Variants in ANK2 observed in about 807,000 individuals in gnomAD.
ANK2 encodes ankyrin 2.
ANK2 carries 83 observed loss-of-function variants against 360.5 expected under a neutral mutation model. The ratio of observed to expected loss-of-function variants is 0.23; its 90% CI spans 0.19 to 0.28. ANK2 has a LOEUF of 0.28. Ranked by LOEUF, ANK2 falls within the 10% of genes least tolerant of loss-of-function variation. The probability of loss-of-function intolerance (pLI) is 1.00; values close to 1 mark genes in which losing one functional copy is unlikely to be tolerated. For synonymous variants in ANK2, 1,740 were observed against 1,759.5 expected, an observed-to-expected ratio of 0.99 and a Z score of 0.28; for missense variants, 4,201 against 4,795.7, an observed-to-expected ratio of 0.88 and a Z score of 3.66.
chr4:113,233,109 T>G lies in ANK2; in HGVS notation c.483+850T>G, dbSNP rs1245953674. Reference sequence around the variant, plus strand: ...AGTATATGGGCTTGGCTTTTCTGTTTTTTTTTTTTTTTTTTTTTTTTTTTT... The same window carrying G: ...AGTATATGGGCTTGGCTTTTCTGTTGTTTTTTTTTTTTTTTTTTTTTTTTT... On this transcript the variant is annotated intron_variant, in intron 5 of 45. Transcript: ENST00000357077. Among the ~76,000 whole-genome samples, 3 of 5,092 alleles carry G rather than the reference T, an allele frequency of 5.9e-4. No homozygotes were observed. In the East Asian group the frequency reaches 0.015, roughly 26 times the overall value. 3.3% of individuals were successfully genotyped at this position (5,092 alleles called of 152,430 possible).
intron 2 of ANK2, among the ~76,000 whole-genome samples, chr4:113,182,681 G>A (rs2098441278): frequency 1.3e-5 from 2 of 152,132 alleles, no homozygotes; most frequent in Admixed American, 6.5e-5. Flanking sequence ...AATAAGCTGA[G>A]GAACTGAACA....
intron 2 of ANK2, among the ~76,000 whole-genome samples, chr4:112,908,341 C>T (rs938330884): frequency 3.3e-5 from 5 of 152,136 alleles, no homozygotes; most frequent in African/African-American, 1.2e-4. Flanking sequence ...ACTCATACTG[C>T]AAATCACCAG....
chr4:113,011,875 A>G (rs1163838933), intron 2 of ANK2, among the ~76,000 whole-genome samples: 2 of 152,106 alleles, frequency 1.3e-5, no homozygotes, highest in African/African-American at 4.8e-5. Context: ...GGGTTGTGCA[A>G]ACAATTTTAT....
the ANK2 span, among the ~76,000 whole-genome samples, chr4:112,796,407 G>C: frequency 6.6e-6 from 1 of 151,730 alleles, no homozygotes; most frequent in Non-Finnish European, 1.5e-5. Flanking sequence ...TGGGCAACAT[G>C]AGCGAAACTC....
intron 45 of ANK2, among the ~76,000 whole-genome samples, chr4:113,378,473 T>C (rs1357061786): frequency 1.3e-5 from 2 of 152,226 alleles, no homozygotes; most frequent in East Asian, 1.9e-4. Flanking sequence ...GCCAGCCTGA[T>C]GGTATTACAT....
In ANK2 at chr4:113,355,637, C is replaced by T; in HGVS notation, c.7019C>T (p.Pro2340Leu). 3 of 1,614,052 alleles carry T rather than the reference C, an allele frequency of 1.9e-6. No individual in the cohort carries two copies. The highest frequency in any genetic ancestry group is 2.5e-6 in the Non-Finnish European group (3 of 1,179,968). ...AGTGTAGCATTAGCTAAAGAGACACCTACAGGACTGACTGAGGAGGCAGCC... is the reference window on the plus strand; with the variant it reads ...AGTGTAGCATTAGCTAAAGAGACACTTACAGGACTGACTGAGGAGGCAGCC... ...SCSVALAKET[P>L]TGLTEEAACD... Residue 2340 changes from proline to leucine, a missense_variant, in exon 38 of 46, where the codon CCT (proline) becomes CTT (leucine). This residue lies in a region of ANK2 where 2,642 missense variants were observed against 2,714.5 expected (regional missense o/e 0.97). Coordinates refer to ENST00000357077, the MANE Select transcript of ANK2 (RefSeq NM_001148.6).
chr4:113,131,708 A>G (rs560493897), intron 1 of ANK2, among the ~76,000 whole-genome samples: 1 of 152,344 alleles, frequency 6.6e-6, no homozygotes, highest in African/African-American at 2.4e-5. Flanking sequence ...CAAAGGCACA[A>G]TTGTGTTGCA....
the ANK2 span, among the ~76,000 whole-genome samples, chr4:112,726,767 C>T: frequency 1.4e-5 from 2 of 146,902 alleles, no homozygotes; most frequent in Admixed American, 7.0e-5. Context: ...AGGAGAATGG[C>T]GTGAACCTGG....
chr4:113,135,355 G>A lies in ANK2; in HGVS notation c.85-39061G>A, dbSNP rs567767929. 7.9e-4 allele frequency among the ~76,000 whole-genome samples: 121 copies of A among 152,232 alleles called. 1 individual carries two copies. The South Asian group carries it at 0.023, about 29-fold the overall frequency. On this transcript the variant is annotated intron_variant, in intron 1 of 45. Coordinates refer to ENST00000357077, the MANE Select transcript of ANK2 (RefSeq NM_001148.6). ...AGCTGTAAGGAGGATTAGATATCAC[G>A]GTCAGGCAGGGATCTAGTGATGGAT...
chr4:113,339,110 A>G (rs374868875), intron 31 of ANK2, 116 bp from the exon 32 acceptor site: 186 of 817,022 alleles, frequency 2.3e-4, no homozygotes, highest in African/African-American at 1.8e-3. Flanking sequence ...TTTGTTTTCA[A>G]TGTGCCATTT....
rs959954083 is a variant in ANK2, at chr4:113,353,280, A to C, written c.4662A>C (p.Arg1554Ser). ...EPGEPFEIVE[R>S]VKEDLEKVNE... ...GAGAGCCTTTTGAAATCGTTGAAAG[A>C]GTTAAAGAGGACTTAGAGAAAGTGA... The change falls in exon 38 of 46, where the codon AGA (arginine) becomes AGC (serine). Residue 1554 changes from arginine to serine, a missense_variant. Physicochemically the swap from Arg to Ser is moderately radical, Grantham distance 110. This residue lies in a region of ANK2 where 1,268 missense variants were observed against 1,650.8 expected (regional missense o/e 0.77). Coordinates refer to ENST00000357077, the MANE Select transcript of ANK2 (RefSeq NM_001148.6). 6.2e-7 allele frequency: 1 copy of C among 1,613,908 alleles called. No homozygotes were observed. Among genetic ancestry groups the C allele is most frequent in the Non-Finnish European group, 8.5e-7 (1 of 1,179,906 alleles).
chr4:113,035,587 TG>T (rs1257885435), intron 2 of ANK2, among the ~76,000 whole-genome samples: 1 of 151,906 alleles, frequency 6.6e-6, no homozygotes, highest in East Asian at 1.9e-4. Context: ...GGCAGGAATG[TG>T]TAGATGAATT....
rs2073800854 is a variant in ANK2, at chr4:113,299,525, T to C, written c.2476-3242T>C. 2.0e-5 allele frequency among the ~76,000 whole-genome samples: 3 copies of C among 151,970 alleles called. No individual in the cohort carries two copies. The South Asian group carries it at 6.2e-4, about 32-fold the overall frequency. On this transcript the variant is annotated intron_variant, in intron 22 of 45. Transcript: ENST00000357077. Reference sequence around the variant, plus strand: ...TTCGAGACCAGCCAGGCCAACATGGTGAAGCCCCATCTCTACTACAAATAC... The same window carrying C: ...TTCGAGACCAGCCAGGCCAACATGGCGAAGCCCCATCTCTACTACAAATAC...
chr4:112,789,587 A>G, the ANK2 span, among the ~76,000 whole-genome samples: 5 of 152,240 alleles, frequency 3.3e-5, no homozygotes, highest in Non-Finnish European at 7.3e-5. Context: ...AGGAGAAGAT[A>G]TAAGGACAAT....
In ANK2 at chr4:113,219,934, A is replaced by G. The variant is rs899340870; in HGVS notation, c.385-12227A>G. 7.2e-5 allele frequency among the ~76,000 whole-genome samples: 11 copies of G among 152,306 alleles called. No homozygotes were observed. In the East Asian group the frequency reaches 2.1e-3, roughly 29 times the overall value. On this transcript the variant is annotated intron_variant, in intron 4 of 45. Transcript: ENST00000357077. Reference sequence around the variant, plus strand: ...GCTCCTCATTAGATAAACAACAAAAAGGGGGTTTTCTTGGCTTTCATAAAT... The same window carrying G: ...GCTCCTCATTAGATAAACAACAAAAGGGGGGTTTTCTTGGCTTTCATAAAT...
intron 1 of ANK2, chr4:113,151,221 T>TA: frequency 1.0e-6 from 1 of 987,664 alleles, no homozygotes; most frequent in South Asian, 1.4e-5. Context: ...AATGTACCCT[T>TA]ACTGCAATTG....
chr4:112,959,142 G>T (rs537016771), intron 2 of ANK2, among the ~76,000 whole-genome samples: 14 of 152,178 alleles, frequency 9.2e-5, no homozygotes, highest in Admixed American at 8.5e-4. Context: ...GAGCCACCGC[G>T]CCTGGCCAAC....
chr4:113,262,556 G>A (rs938407104), intron 13 of ANK2, among the ~76,000 whole-genome samples: 15 of 151,840 alleles, frequency 9.9e-5, no homozygotes, highest in African/African-American at 1.5e-4. Flanking sequence ...GAATACCATC[G>A]GCCCTCTGTA....
intron 2 of ANK2, among the ~76,000 whole-genome samples, chr4:112,934,602 G>GT (rs1419058609): frequency 2.0e-5 from 3 of 151,928 alleles, no homozygotes; most frequent in African/African-American, 7.3e-5. Context: ...TATTGTATTT[G>GT]TTTCTTCACA....
Sources: gnomAD v4.1 joint callset for allele counts (sites outside exome capture counted in the v4.1 genomes callset) on GRCh38, gnomAD v4.1.1 for gene constraint, gnomAD v4.1.1 regional missense constraint, MANE v1.5 for transcripts, NCBI Gene and HGNC (gene_info 2026-07-23, HGNC 2026-07-21) for gene names.